The following CEP112 variants were observed in gnomAD, a reference collection of about 807,000 sequenced individuals.
The protein encoded by CEP112 is centrosomal protein of 112 kDa.
In CEP112, 127 loss-of-function variants were observed where a neutral mutation model predicts 153.0. The observed-to-expected ratio is 0.83, with a 90% CI of 0.72 to 0.96. The LOEUF (loss-of-function observed/expected upper bound fraction) is 0.96. CEP112 is among the 40% of genes least tolerant of loss of function. The pLI, the probability that CEP112 is intolerant of heterozygous loss-of-function variation, is 0.00. For missense variants in CEP112, 1,089 were observed against 1,101.2 expected, an observed-to-expected ratio of 0.99 and a Z score of 0.16; for synonymous variants, 358 against 374.4, an observed-to-expected ratio of 0.96 and a Z score of 0.51.
intron 4 of CEP112, among the ~76,000 whole-genome samples, chr17:66,149,560 C>T (rs1284019765): frequency 6.6e-6 from 1 of 151,998 alleles, no homozygotes; most frequent in Non-Finnish European, 1.5e-5. Flanking sequence ...CTTGGTAGGT[C>T]ATGTGTTGTG....
At chr17:65,738,211 T>C (rs938384282) in intron 23 of CEP112, among the ~76,000 whole-genome samples, 2 of 152,166 alleles carry the variant, frequency 1.3e-5, no homozygotes, top group African/African-American at 4.8e-5. Context: ...ACTGCATAGA[T>C]TGAAATATAG....
chr17:66,082,902 T>A (rs2067778027), intron 8 of CEP112, among the ~76,000 whole-genome samples: 1 of 151,986 alleles, frequency 6.6e-6, no homozygotes, highest in Admixed American at 6.6e-5. Context: ...ATTAATTCTA[T>A]TAGTAATTTT....
intron 4 of CEP112, among the ~76,000 whole-genome samples, chr17:66,141,732 A>G (rs1242150533): frequency 6.6e-6 from 1 of 152,192 alleles, no homozygotes; most frequent in Non-Finnish European, 1.5e-5. Context: ...ATTAATGTTG[A>G]AAAATATTCT....
intron 16 of CEP112, among the ~76,000 whole-genome samples, chr17:66,025,754 G>T (rs986652967): frequency 6.6e-6 from 1 of 151,956 alleles, no homozygotes; most frequent in Non-Finnish European, 1.5e-5. Flanking sequence ...ACTTCTCAAA[G>T]AACTAAAAAT....
chr17:65,894,018 C>G (rs530747439), intron 20 of CEP112, among the ~76,000 whole-genome samples: 2 of 152,232 alleles, frequency 1.3e-5, no homozygotes, highest in South Asian at 4.1e-4. Context: ...TCAGGGATGT[C>G]TCTTACAGAA....
intron 1 of CEP112, among the ~76,000 whole-genome samples, chr17:66,185,114 C>G (rs1012154840): frequency 6.6e-6 from 1 of 152,088 alleles, no homozygotes; most frequent in Admixed American, 6.5e-5. Flanking sequence ...CACAAAGAAA[C>G]GATTTGGCAT....
At chr17:65,931,058 A>G (rs1038290075) in intron 18 of CEP112, among the ~76,000 whole-genome samples, 3 of 152,236 alleles carry the variant, frequency 2.0e-5, no homozygotes, top group African/African-American at 7.2e-5. Flanking sequence ...TTAGTAATGC[A>G]GATAATGAGC....
At chr17:66,041,264 A>T (rs1173785206) in intron 12 of CEP112, among the ~76,000 whole-genome samples, 1 of 152,204 alleles carries the variant, frequency 6.6e-6, no homozygotes, top group African/African-American at 2.4e-5. Flanking sequence ...TATTGTAGGA[A>T]ATTAAAATTT....
intron 12 of CEP112, among the ~76,000 whole-genome samples, chr17:66,040,487 TTTTTTTC>T (rs1236591029): frequency 2.6e-5 from 1 of 38,390 alleles, no homozygotes; most frequent in East Asian, 1.0e-3. Context: ...GCCTTTTCCC[TTTTTTTC>T]TTTTTTTTTT....
chr17:65,856,471 G>A (rs4790924), intron 20 of CEP112, among the ~76,000 whole-genome samples: 125,664 of 152,154 alleles, frequency 0.83, 52,074 homozygotes, highest in Middle Eastern at 0.91. Context: ...TTAAGGAAGA[G>A]TACATATTTA....
intron 16 of CEP112, among the ~76,000 whole-genome samples, chr17:66,025,978 A>ACACACG (rs2065191284): frequency 8.7e-6 from 1 of 115,126 alleles, no homozygotes; most frequent in Non-Finnish European, 1.9e-5. Flanking sequence ...CCACACACAC[A>ACACACG]CACACCCCAT....
intron 21 of CEP112, among the ~76,000 whole-genome samples, chr17:65,844,651 T>C (rs982198247): frequency 1.3e-3 from 97 of 73,824 alleles, no homozygotes; most frequent in Non-Finnish European, 2.5e-3. Flanking sequence ...GGCTCCATCC[T>C]GGGCTACAAA....
At chr17:66,031,876 G>A (rs1022034883) in intron 12 of CEP112, among the ~76,000 whole-genome samples, 4 of 152,106 alleles carry the variant, frequency 2.6e-5, no homozygotes, top group East Asian at 1.9e-4. Context: ...TTTCAATGAC[G>A]GAAGATGAGG....
chr17:65,649,717 C>CAG (rs2045635614), intron 24 of CEP112, among the ~76,000 whole-genome samples: 2 of 114,550 alleles, frequency 1.7e-5, no homozygotes, highest in Non-Finnish European at 3.6e-5. Flanking sequence ...GACCCTGTCT[C>CAG]AAAAAAAAAA....
At chr17:65,902,425 C>A in intron 19 of CEP112, 91 bp from the exon 20 acceptor site, 2 of 1,084,104 alleles carry the variant, frequency 1.8e-6, no homozygotes, top group Non-Finnish European at 2.5e-6. Flanking sequence ...CTAATTTGTC[C>A]AAGTTGAAAA....
At chr17:66,171,008 G>C (rs899002093) in intron 4 of CEP112, among the ~76,000 whole-genome samples, 15 of 152,086 alleles carry the variant, frequency 9.9e-5, no homozygotes, top group Non-Finnish European at 2.9e-5. Flanking sequence ...ATGTATACTT[G>C]GTGGAAAAAA....
At position 66,123,989 on chromosome 17, in the gene CEP112, C is replaced by A. The variant is rs145867567; in HGVS notation, c.642+5757G>T. ...AGTCAACTGCATTCAGATCAGTCTG[C>A]GAATTCCATCTCTCCTACGGACAGT... On this transcript the variant is annotated intron_variant, in intron 6 of 26. Coordinates refer to ENST00000535342, the MANE Select transcript of CEP112 (RefSeq NM_001199165.4). Among the ~76,000 whole-genome samples, 1,326 of 152,238 alleles carry A rather than the reference C, an allele frequency of 8.7e-3. 13 individuals are homozygous for A. The highest frequency in any genetic ancestry group is 0.015 in the Non-Finnish European group (1,001 of 68,012).
chr17:66,176,888 T>A lies in CEP112; in HGVS notation c.239A>T (p.Glu80Val). The A allele has an allele frequency of 6.2e-7, 1 of 1,613,898 alleles. No homozygotes were observed. Among genetic ancestry groups the A allele is most frequent in the Non-Finnish European group, 8.5e-7 (1 of 1,179,892 alleles). The change falls in exon 3 of 27, where the codon GAA (glutamate) becomes GTA (valine). Residue 80 changes from glutamate (E) to valine (V), a missense_variant. Coordinates refer to ENST00000535342, the MANE Select transcript of CEP112 (RefSeq NM_001199165.4). ...TTCAGGTCGGTGTGTAAAAGGGCCT[T>A]CAAGCGCACCTCGTTTAAGCATATG... ...LLHMLKRGAL[E>V]GPFTHRPEPG... is the part of the protein sequence containing the mutation.
At chr17:66,014,844 T>G (rs946102703) in intron 16 of CEP112, among the ~76,000 whole-genome samples, 9 of 152,184 alleles carry the variant, frequency 5.9e-5, no homozygotes, top group African/African-American at 2.2e-4. Context: ...AATGTGCCAG[T>G]CTTCCCAATG....
Sources: gnomAD v4.1 joint callset for allele counts (sites outside exome capture counted in the v4.1 genomes callset) on GRCh38, gnomAD v4.1.1 for gene constraint, MANE v1.5 for transcripts, NCBI Gene and HGNC (gene_info 2026-07-23, HGNC 2026-07-21) for gene names.